TMEM117: variants seen among roughly 807,000 people sequenced by gnomAD.
The protein encoded by TMEM117 is transmembrane protein 117.
Under a neutral mutation model 52.4 loss-of-function variants are expected in TMEM117, and 27 were observed. The observed-to-expected ratio is 0.51, with a 90% CI of 0.38 to 0.71. The LOEUF is 0.71. Among genes scored for constraint, TMEM117 ranks in the 30% least tolerant of loss-of-function variants. The pLI, the probability that TMEM117 is intolerant of heterozygous loss-of-function variation, is 0.00. For synonymous variants in TMEM117, 215 were observed against 206.3 expected, an observed-to-expected ratio of 1.04 and a Z score of -0.36; for missense variants, 556 against 630.5, an observed-to-expected ratio of 0.88 and a Z score of 1.26.
chr12:44,072,418 G>A (rs149244611), intron 3 of TMEM117, among the ~76,000 whole-genome samples: 2 of 152,236 alleles, frequency 1.3e-5, no homozygotes, highest in African/African-American at 2.4e-5. Context: ...AGAAAAGATG[G>A]CTTTTGTCTT....
At chr12:43,803,917 G>C in the TMEM117 span, among the ~76,000 whole-genome samples, 1 of 151,992 alleles carries the variant, frequency 6.6e-6, no homozygotes, top group Non-Finnish European at 1.5e-5. Context: ...AACAATAATT[G>C]TTCAAATTCA....
chr12:44,282,188 G>GT (rs139884775), intron 5 of TMEM117, among the ~76,000 whole-genome samples: 2,221 of 152,280 alleles, frequency 0.015, 43 homozygotes, highest in African/African-American at 0.042. Context: ...ACGTGGAACT[G>GT]TAAGTCCAAT....
chr12:44,175,505 C>A (rs1342321959), intron 4 of TMEM117, among the ~76,000 whole-genome samples: 3 of 152,114 alleles, frequency 2.0e-5, no homozygotes, highest in Non-Finnish European at 4.4e-5. Context: ...ACTAGATCAG[C>A]TCAAGCCTGA....
At chr12:44,054,913 C>T (rs1172345982) in intron 3 of TMEM117, among the ~76,000 whole-genome samples, 1 of 152,026 alleles carries the variant, frequency 6.6e-6, no homozygotes, top group Non-Finnish European at 1.5e-5. Flanking sequence ...CACGACAGGC[C>T]CCGGTGTATA....
chr12:44,356,089 C>T (rs1951644281), intron 6 of TMEM117, among the ~76,000 whole-genome samples: 1 of 152,102 alleles, frequency 6.6e-6, no homozygotes, highest in Non-Finnish European at 1.5e-5. Flanking sequence ...TTGTGAGACC[C>T]ATTGGTCACT....
At chr12:44,096,197 C>T (rs1288488525) in intron 3 of TMEM117, among the ~76,000 whole-genome samples, 1 of 152,160 alleles carries the variant, frequency 6.6e-6, no homozygotes, top group East Asian at 1.9e-4. Context: ...CAAACCATTA[C>T]TCAATGAAAT....
chr12:43,979,273 C>T (rs1324002937), intron 3 of TMEM117, among the ~76,000 whole-genome samples: 1 of 152,052 alleles, frequency 6.6e-6, no homozygotes, highest in African/African-American at 2.4e-5. Flanking sequence ...TATGATTAAA[C>T]TTCCTAACTG....
chr12:44,120,664 C>T (rs1212169380), intron 3 of TMEM117, among the ~76,000 whole-genome samples: 1 of 152,184 alleles, frequency 6.6e-6, no homozygotes, highest in Non-Finnish European at 1.5e-5. Flanking sequence ...GGTGATTTGA[C>T]TTTTTCTGTT....
intron 7 of TMEM117, among the ~76,000 whole-genome samples, chr12:44,387,247 A>G (rs1035096101): frequency 5.9e-5 from 9 of 151,930 alleles, no homozygotes; most frequent in Non-Finnish European, 1.3e-4. Flanking sequence ...GTTTTCTAGT[A>G]TACCTGAAAA....
chr12:44,328,509 TTC>T (rs1367034796), intron 6 of TMEM117, among the ~76,000 whole-genome samples: 1 of 152,172 alleles, frequency 6.6e-6, no homozygotes, highest in African/African-American at 2.4e-5. Flanking sequence ...AGTTCCTTCG[TTC>T]AGCTACTTTT....
the TMEM117 span, among the ~76,000 whole-genome samples, chr12:43,826,476 C>T: frequency 2.0e-5 from 3 of 152,166 alleles, no homozygotes; most frequent in Non-Finnish European, 4.4e-5. Flanking sequence ...AATGAGACCA[C>T]CCACCTAACT....
intron 2 of TMEM117, among the ~76,000 whole-genome samples, chr12:43,865,442 A>G (rs558920635): frequency 6.6e-6 from 1 of 152,316 alleles, no homozygotes; most frequent in South Asian, 2.1e-4. Context: ...CAGACCTGTA[A>G]TCCCAGCACT....
intron 3 of TMEM117, among the ~76,000 whole-genome samples, chr12:43,986,025 G>C (rs1164180288): frequency 6.6e-6 from 1 of 152,058 alleles, no homozygotes; most frequent in African/African-American, 2.4e-5. Context: ...ACATTTTATT[G>C]GGAAAGAATC....
chr12:44,154,862 A>G (rs1321945056), intron 4 of TMEM117, among the ~76,000 whole-genome samples: 1 of 151,864 alleles, frequency 6.6e-6, no homozygotes, highest in Non-Finnish European at 1.5e-5. Context: ...TCTTAGCCCT[A>G]CAAGTCTCTA....
At chr12:44,292,296 G>A (rs1950715006) in intron 5 of TMEM117, among the ~76,000 whole-genome samples, 1 of 151,866 alleles carries the variant, frequency 6.6e-6, no homozygotes, top group South Asian at 2.1e-4. Flanking sequence ...TGTGGTATCA[G>A]TTGTAATGTC....
intron 4 of TMEM117, among the ~76,000 whole-genome samples, chr12:44,183,054 A>G (rs1949227366): frequency 6.6e-6 from 1 of 152,196 alleles, no homozygotes. Flanking sequence ...ACATGCATAC[A>G]GAGGCATATA....
intron 3 of TMEM117, among the ~76,000 whole-genome samples, chr12:43,972,733 G>A (rs1030131840): frequency 2.0e-5 from 3 of 152,076 alleles, no homozygotes; most frequent in Non-Finnish European, 2.9e-5. Flanking sequence ...TAGCTACAGA[G>A]CGCTGATGGC....
At chr12:44,008,904 T>G (rs894692002) in intron 3 of TMEM117, 7 of 414,236 alleles carry the variant, frequency 1.7e-5, no homozygotes, top group Non-Finnish European at 2.8e-5. Flanking sequence ...GGTTTTACTC[T>G]TTGATGTGTC....
chr12:44,377,260 A>G (rs1051001455), intron 7 of TMEM117, among the ~76,000 whole-genome samples: 30 of 152,116 alleles, frequency 2.0e-4, no homozygotes, highest in Admixed American at 7.9e-4. Context: ...TGGGTTTTTC[A>G]CCACATAGAA....
Sources: allele counts gnomAD v4.1 joint callset (sites outside exome capture counted in the v4.1 genomes callset), GRCh38; gene constraint gnomAD v4.1.1; transcripts MANE v1.5; gene names NCBI Gene and HGNC (gene_info 2026-07-23, HGNC 2026-07-21).